The following TAF4 variants were observed in gnomAD, a reference collection of about 807,000 sequenced individuals.
TAF4 encodes the protein TATA-box binding protein associated factor 4.
TAF4 carries 9 observed loss-of-function variants against 90.3 expected under a neutral mutation model. That is an observed-to-expected ratio of 0.10 (90% CI 0.06 to 0.17). The LOEUF (loss-of-function observed/expected upper bound fraction) is 0.17. TAF4 is among the 10% of genes least tolerant of loss of function. The pLI, the probability that TAF4 is intolerant of heterozygous loss-of-function variation, is 1.00. For synonymous variants in TAF4, 818 were observed against 638.9 expected (o/e 1.28, Z -4.23); for missense variants, 1,351 against 1,370.7 (o/e 0.99, Z 0.23).
chr20:62,065,820 T>C lies in TAF4; in HGVS notation c.-10A>G. 2.4e-6 allele frequency: 3 copies of C among 1,256,002 alleles called. No homozygotes were observed. The highest frequency in any genetic ancestry group is 2.0e-6 in the Non-Finnish European group (2 of 977,994). 77.8% of individuals were successfully genotyped at this position (1,256,002 alleles called of 1,614,324 possible). On this transcript the variant is annotated 5_prime_UTR_variant, in exon 1 of 15. Transcript: ENST00000252996. Reference sequence around the variant, plus strand: ...CCGAGCCCGCCGCCATCTTTTTTCCTCGGCCGCCGCCGCCGCCGCCGCTCG... The same window carrying C: ...CCGAGCCCGCCGCCATCTTTTTTCCCCGGCCGCCGCCGCCGCCGCCGCTCG...
At chr20:61,977,107 C>T (rs112051082) in intron 14 of TAF4, among the ~76,000 whole-genome samples, 17 of 148,810 alleles carry the variant, frequency 1.1e-4, no homozygotes, top group African/African-American at 2.7e-4. Flanking sequence ...GCGGGGCACG[C>T]GCCACACACA....
intron 14 of TAF4, among the ~76,000 whole-genome samples, chr20:61,978,686 AG>A (rs1319897914): frequency 1.3e-5 from 2 of 151,460 alleles, no homozygotes; most frequent in African/African-American, 2.4e-5. Context: ...AGACCAACCA[AG>A]GCCGGGGGCG....
At chr20:62,000,306 T>G (rs772901698) in intron 10 of TAF4, 52 bp from the exon 11 acceptor site, 5 of 1,591,826 alleles carry the variant, frequency 3.1e-6, no homozygotes, top group South Asian at 2.3e-5. Context: ...GCACAGTTCT[T>G]TCTTTACGGC....
At chr20:62,059,278 G>A (rs866092589) in intron 1 of TAF4, among the ~76,000 whole-genome samples, 1 of 152,180 alleles carries the variant, frequency 6.6e-6, no homozygotes, top group Non-Finnish European at 1.5e-5. Flanking sequence ...ATGGGAGAGG[G>A]GCCTCATGGT....
chr20:62,036,619 AG>A (rs1159017977), intron 1 of TAF4, among the ~76,000 whole-genome samples: 1 of 152,242 alleles, frequency 6.6e-6, no homozygotes, highest in East Asian at 1.9e-4. Context: ...GGGTTATGCT[AG>A]GAACTCGCCA....
In TAF4 at chr20:62,002,574, C is replaced by T; in HGVS notation, c.2486+586G>A. ...GCTAAAACCATAGCTCACTGTAACA[C>T]TGAACTCCTGGGCAGAAGTGATCCT... is the stretch of plus-strand genomic sequence containing the variant. On this transcript the variant is annotated intron_variant, in intron 9 of 14. Transcript: ENST00000252996. Among the ~76,000 whole-genome samples, 2 of 152,202 alleles carry T rather than the reference C, an allele frequency of 1.3e-5. 1 individual carries two copies. Among genetic ancestry groups the T allele is most frequent in the Non-Finnish European group, 2.9e-5 (2 of 68,026 alleles).
intron 12 of TAF4, 120 bp from the exon 13 acceptor site, chr20:61,998,312 A>T (rs1000684096): frequency 7.0e-6 from 7 of 997,212 alleles, no homozygotes; most frequent in Admixed American, 6.2e-5. Context: ...AATGCATAGC[A>T]AATTTGTGAA....
intron 1 of TAF4, among the ~76,000 whole-genome samples, 154 bp from the exon 2 acceptor site, chr20:62,014,861 T>A (rs1401994097): frequency 2.5e-4 from 38 of 152,110 alleles, no homozygotes; most frequent in Non-Finnish European, 1.8e-4. Context: ...AACACACTTG[T>A]GAGTCAAGAT....
intron 1 of TAF4, among the ~76,000 whole-genome samples, chr20:62,020,294 T>C (rs569720005): frequency 6.6e-6 from 1 of 152,294 alleles, no homozygotes; most frequent in East Asian, 1.9e-4. Context: ...GGGCTCTTTC[T>C]GGTCCTGAGG....
At chr20:62,007,504 C>T in intron 6 of TAF4, 43 bp downstream of exon 6, 2 of 1,591,422 alleles carry the variant, frequency 1.3e-6, no homozygotes, top group Non-Finnish European at 8.6e-7. Context: ...CCCCACCCCT[C>T]CCTGGCCCTA....
In TAF4 at chr20:62,006,327, C is replaced by T; in HGVS notation, c.2223+183G>A. ...TTCATTTTACTGAGACAAAATACAA[C>T]ATCCCAGGGCCTCAACCTCTGGTTT... On this transcript the variant is annotated intron_variant, in intron 7 of 14. Coordinates refer to ENST00000252996, the MANE Select transcript of TAF4 (RefSeq NM_003185.4). The surrounding 1 kb of genome is among the most constrained non-coding windows in gnomAD (Gnocchi z 7.0). The T allele has an allele frequency of 1.2e-6, 1 of 822,902 alleles. No homozygotes were observed. Among genetic ancestry groups the T allele is most frequent in the East Asian group, 3.4e-5 (1 of 29,816 alleles). The allele number at this position is 822,902 out of a possible 1,614,324, so 51.0% of individuals were successfully genotyped here.
At position 62,064,743 on chromosome 20, in the gene TAF4, CG is replaced by C. The variant is rs1353524782; in HGVS notation, c.1067del (p.Pro356ArgfsTer53). The C allele has an allele frequency of 1.5e-5, 18 of 1,168,414 alleles. No homozygotes were observed. The highest frequency in any genetic ancestry group is 1.1e-4 in the South Asian group (3 of 27,440). The allele number at this position is 1,168,414 out of a possible 1,614,324, so 72.4% of individuals were successfully genotyped here. A position where few individuals can be genotyped will look rare whatever the true frequency, so the allele number is the denominator to read the frequency against. ...CGCTGGCCGCCAGGGTCTGCGCCGC[CG>C]GGGGCGCCGCCTGCACCACCCTCTT... is the stretch of plus-strand genomic sequence containing the variant. The part of the protein sequence containing the change: ...SPKRVVQAAP[P>X]AAQTLAASGP... On this transcript the variant is annotated frameshift_variant, in exon 1 of 15. Transcript: ENST00000252996. LOFTEE classifies it high-confidence loss of function.
intron 1 of TAF4, chr20:62,037,757 G>A: frequency 9.4e-6 from 2 of 213,266 alleles, no homozygotes. Flanking sequence ...ACACCTGCCA[G>A]CTCCACCCCT....
intron 14 of TAF4, among the ~76,000 whole-genome samples, chr20:61,981,614 AGGACAGAATC>A (rs2055541473): frequency 6.6e-6 from 1 of 152,188 alleles, no homozygotes; most frequent in Admixed American, 6.5e-5. Flanking sequence ...GGAAGCCAAG[AGGACAGAATC>A]GAGACACAGA....
intron 1 of TAF4, among the ~76,000 whole-genome samples, chr20:62,017,929 C>CA (rs1271281346): frequency 6.6e-6 from 1 of 151,482 alleles, no homozygotes; most frequent in Non-Finnish European, 1.5e-5. Flanking sequence ...AAAATTCTAA[C>CA]AAAATAAAAG....
chr20:62,052,350 G>A (rs142030628), intron 1 of TAF4, among the ~76,000 whole-genome samples: 3 of 151,770 alleles, frequency 2.0e-5, no homozygotes, highest in East Asian at 3.9e-4. Flanking sequence ...AATACAAACA[G>A]GAAAAAACAA....
intron 1 of TAF4, among the ~76,000 whole-genome samples, chr20:62,055,484 G>A (rs2056058134): frequency 6.6e-6 from 1 of 152,206 alleles, no homozygotes; most frequent in African/African-American, 2.4e-5. Flanking sequence ...GGGCAGCCCT[G>A]CAATAAAATC....
chr20:62,063,337 C>G (rs2056100510), intron 1 of TAF4, among the ~76,000 whole-genome samples: 1 of 152,214 alleles, frequency 6.6e-6, no homozygotes, highest in Admixed American at 6.5e-5. Context: ...GAGGGACCCA[C>G]GCTCTCCTTG....
chr20:62,064,964 G>T lies in TAF4; in HGVS notation c.847C>A (p.Pro283Thr). 2.3e-6 allele frequency: 1 copy of T among 427,986 alleles called. No homozygotes were observed. Among genetic ancestry groups the T allele is most frequent in the Non-Finnish European group, 3.0e-6 (1 of 331,526 alleles). The allele number at this position is 427,986 out of a possible 1,614,324, so 26.5% of individuals were successfully genotyped here. The change falls in exon 1 of 15, where the codon CCG becomes ACG. Residue 283 changes from proline (P) to threonine (T), a missense_variant. Around this residue, in one of 9 missense-constraint regions of TAF4, gnomAD observed 782 missense variants for 536.6 expected, o/e 1.46. Transcript: ENST00000252996. ...PPPAPATLAR[P>T]PGHPAGPPTA... is the part of the protein sequence containing the mutation. ...GGGGGTCCGGCGGGGTGGCCGGGCG[G>T]CCGGGCCAGAGTGGCGGGCGCGGGG...
Sources: allele counts gnomAD v4.1 joint callset (sites outside exome capture counted in the v4.1 genomes callset), GRCh38; gene constraint gnomAD v4.1.1; regional missense constraint gnomAD v4.1.1; non-coding constraint Gnocchi (gnomAD v3.1); transcripts MANE v1.5; gene names NCBI Gene and HGNC (gene_info 2026-07-23, HGNC 2026-07-21).